The following ADAMTS2 variants were observed in gnomAD, a reference collection of about 807,000 sequenced individuals.
The protein encoded by ADAMTS2 is ADAM metallopeptidase with thrombospondin type 1 motif 2.
In ADAMTS2, 50 loss-of-function variants were observed where a neutral mutation model predicts 123.0. The ratio of observed to expected loss-of-function variants is 0.41; its 90% confidence interval spans 0.32 to 0.51. ADAMTS2 has a LOEUF of 0.51. Among genes scored for constraint, ADAMTS2 ranks in the 20% least tolerant of loss-of-function variants. The pLI, the probability that ADAMTS2 is intolerant of heterozygous loss-of-function variation, is 0.35. For missense variants in ADAMTS2, 1,494 were observed against 1,705.2 expected (o/e 0.88, Z 2.18); for synonymous variants, 678 against 695.4 (o/e 0.98, Z 0.39).
intron 3 of ADAMTS2, among the ~76,000 whole-genome samples, chr5:179,263,527 G>C (rs892339996): frequency 6.6e-6 from 1 of 152,234 alleles, no homozygotes; most frequent in Admixed American, 6.5e-5. Flanking sequence ...GTCCTGTCCT[G>C]CAGGCTCTCT....
At chr5:179,254,679 C>T (rs1172834498) in intron 3 of ADAMTS2, among the ~76,000 whole-genome samples, 2 of 152,162 alleles carry the variant, frequency 1.3e-5, no homozygotes, top group Non-Finnish European at 2.9e-5. Flanking sequence ...TCTCACTGTC[C>T]CTGAAGCCCA....
In ADAMTS2 at chr5:179,217,845, CACTCACTA is replaced by C. The variant is rs1263744875; in HGVS notation, c.689-10138_689-10131del. ...GGGATGGCCTGAGGGCAGACAGGCA[CACTCACTA>C]GGTAGGGGATGGCCTGAGGGCAGAC... On this transcript the variant is annotated intron_variant, in intron 3 of 21. Transcript: ENST00000251582. Among the ~76,000 whole-genome samples the C allele has an allele frequency of 1.1e-4, 6 of 53,160 alleles. 1 individual carries two copies. Among genetic ancestry groups the C allele is most frequent in the Non-Finnish European group, 2.6e-4 (6 of 23,426 alleles). 34.9% of individuals were successfully genotyped at this position (53,160 alleles called of 152,430 possible).
At chr5:179,195,843 C>T (rs1288369285) in intron 4 of ADAMTS2, among the ~76,000 whole-genome samples, 3 of 152,240 alleles carry the variant, frequency 2.0e-5, no homozygotes, top group Non-Finnish European at 4.4e-5. Flanking sequence ...CCCAGGGCCA[C>T]AGCACCACTA....
In ADAMTS2 at chr5:179,225,964, G is replaced by A. The variant is rs1458144146; in HGVS notation, c.689-18249C>T. On this transcript the variant is annotated intron_variant, in intron 3 of 21. Transcript: ENST00000251582. The surrounding 1 kb of genome is among the most constrained non-coding windows in gnomAD (Gnocchi z 4.5). ...AAGTAAAAGAGCACATGCAGCACAC[G>A]CCCACTGGGGCTTCAGGGGCTGCAA... Among the ~76,000 whole-genome samples, 4 of 152,238 alleles carry A rather than the reference G, an allele frequency of 2.6e-5. No individual in the cohort carries two copies. The highest frequency in any genetic ancestry group is 1.9e-4 in the East Asian group (1 of 5,166).
intron 2 of ADAMTS2, among the ~76,000 whole-genome samples, chr5:179,280,909 G>A (rs1245385772): frequency 6.6e-6 from 1 of 152,118 alleles, no homozygotes. Flanking sequence ...CCAGGCTGGA[G>A]TGCAGTGGCG....
At chr5:179,259,850 C>T (rs1288295736) in intron 3 of ADAMTS2, among the ~76,000 whole-genome samples, 8 of 152,216 alleles carry the variant, frequency 5.3e-5, no homozygotes, top group African/African-American at 1.9e-4. Flanking sequence ...TCCTCAACCT[C>T]GGGGCCTGGA....
chr5:179,275,701 T>C (rs564635184), intron 2 of ADAMTS2, among the ~76,000 whole-genome samples: 11 of 152,184 alleles, frequency 7.2e-5, no homozygotes, highest in Non-Finnish European at 1.3e-4. Flanking sequence ...GGCCAGAAAG[T>C]GTCCTCCCCC....
At chr5:179,187,449 CAT>C (rs1764197393) in intron 4 of ADAMTS2, among the ~76,000 whole-genome samples, 1 of 152,252 alleles carries the variant, frequency 6.6e-6, no homozygotes, top group South Asian at 2.1e-4. Flanking sequence ...GTGTCTAGCC[CAT>C]AGTAGGTGCT....
At chr5:179,122,831 G>A in intron 19 of ADAMTS2, 58 bp from the exon 20 acceptor site, 1 of 1,548,656 alleles carries the variant, frequency 6.5e-7, no homozygotes, top group South Asian at 1.2e-5. Context: ...CGCACTGGCA[G>A]AGCTGGAGGA....
chr5:179,207,741 G>C, intron 3 of ADAMTS2, 26 bp from the exon 4 acceptor site: 1 of 1,604,732 alleles, frequency 6.2e-7, no homozygotes, highest in Non-Finnish European at 8.5e-7. Flanking sequence ...ACCGTCTTCA[G>C]CGGCAGGGCA....
At chr5:179,123,551 G>C (rs1762798376) in intron 19 of ADAMTS2, among the ~76,000 whole-genome samples, 1 of 152,120 alleles carries the variant, frequency 6.6e-6, no homozygotes, top group Non-Finnish European at 1.5e-5. Flanking sequence ...TTAGCCTCCC[G>C]AGGAGCAGGG....
chr5:179,211,168 T>G (rs1349665339), intron 3 of ADAMTS2, among the ~76,000 whole-genome samples: 1 of 152,232 alleles, frequency 6.6e-6, no homozygotes, highest in Non-Finnish European at 1.5e-5. Context: ...CCTCCTCCCC[T>G]GGGAGCTCCC....
At chr5:179,224,834 C>T (rs547182437) in intron 3 of ADAMTS2, among the ~76,000 whole-genome samples, 32 of 146,876 alleles carry the variant, frequency 2.2e-4, no homozygotes, top group African/African-American at 8.8e-4. Context: ...AGCTCCACGC[C>T]CAGACCAAAG....
rs369316593 is a variant in ADAMTS2, at chr5:179,181,022, C to T, written c.975+50G>A. 411 of 1,449,078 alleles carry T rather than the reference C, an allele frequency of 2.8e-4. No homozygotes were observed. Among genetic ancestry groups the T allele is most frequent in the Non-Finnish European group, 3.8e-4 (390 of 1,030,804 alleles). 89.8% of individuals were successfully genotyped at this position (1,449,078 alleles called of 1,614,324 possible). ...GAGGCCCATGCCTCACTCCCAGGCC[C>T]CTCACTCCGAGGGGGTGGAGGCAGG... On this transcript the variant is annotated intron_variant, in intron 5 of 21. Coordinates refer to ENST00000251582, the MANE Select transcript of ADAMTS2 (RefSeq NM_014244.5). This position sits in a 1 kb window ranked among gnomAD's most constrained non-coding sequence, Gnocchi z 4.1.
At chr5:179,251,144 A>G (rs1765913637) in intron 3 of ADAMTS2, among the ~76,000 whole-genome samples, 1 of 152,086 alleles carries the variant, frequency 6.6e-6, no homozygotes, top group Non-Finnish European at 1.5e-5. Flanking sequence ...TCCACTTTCT[A>G]ATTGTGCCAT....
chr5:179,322,767 G>C (rs932784812), intron 2 of ADAMTS2, among the ~76,000 whole-genome samples: 3 of 152,250 alleles, frequency 2.0e-5, no homozygotes, highest in Admixed American at 2.0e-4. Flanking sequence ...AAACTGGACA[G>C]AAAGAGGCCT....
In ADAMTS2 at chr5:179,130,051, C is replaced by T; in HGVS notation, c.2338G>A (p.Asp780Asn). Residue 780 changes from aspartate (D) to asparagine (N), a missense_variant, in exon 16 of 22, where the codon GAC becomes AAC. Coordinates refer to ENST00000251582, the MANE Select transcript of ADAMTS2 (RefSeq NM_014244.5). The surrounding 1 kb of genome is among the most constrained non-coding windows in gnomAD (Gnocchi z 4.3). Reference protein sequence around the residue: ...TGKFILNEENDVDASSKTFIA... With the variant: ...TGKFILNEENNVDASSKTFIA... ...AAGGTTTTGGAACTGGCATCCACGT[C>T]ATTCTCTTCATTTAAGATGAACTTG... is the stretch of plus-strand genomic sequence containing the variant. The T allele has an allele frequency of 2.5e-6, 4 of 1,614,188 alleles. No individual in the cohort carries two copies. Among genetic ancestry groups the T allele is most frequent in the Non-Finnish European group, 1.7e-6 (2 of 1,180,046 alleles).
At chr5:179,137,722 A>AC in intron 12 of ADAMTS2, 47 bp downstream of exon 12, 1 of 1,512,532 alleles carries the variant, frequency 6.6e-7, no homozygotes, top group Non-Finnish European at 8.9e-7. Flanking sequence ...TGCCCACCCT[A>AC]GGGCCTGCCT....
intron 4 of ADAMTS2, among the ~76,000 whole-genome samples, chr5:179,205,787 T>TTATTATTATTATTATTATTA (rs758652100): frequency 4.7e-4 from 45 of 96,584 alleles, no homozygotes; most frequent in East Asian, 2.1e-3. Flanking sequence ...TATTATTATT[T>TTATTATTATTATTATTATTA]TTGAGACGGA....
Sources: gnomAD v4.1 joint callset for allele counts (sites outside exome capture counted in the v4.1 genomes callset) on GRCh38, gnomAD v4.1.1 for gene constraint, Gnocchi (gnomAD v3.1) non-coding constraint, MANE v1.5 for transcripts, NCBI Gene and HGNC (gene_info 2026-07-23, HGNC 2026-07-21) for gene names.